ZNF678: variants seen among roughly 807,000 people sequenced by gnomAD.
The protein encoded by ZNF678 is hypothetical protein MGC42493.
ZNF678 carries 5 observed loss-of-function variants against 3.0 expected under a neutral mutation model. That is an observed-to-expected ratio of 1.69 (90% CI 0.88 to 3.56). The LOEUF (loss-of-function observed/expected upper bound fraction) is 3.56, where lower values mean the gene tolerates loss of function less well. ZNF678 is among the 30% of genes most tolerant of loss of function. The pLI is 0.00. For missense variants in ZNF678, 593 were observed against 605.0 expected, an observed-to-expected ratio of 0.98 and a Z score of 0.21; for synonymous variants, 218 against 199.6, an observed-to-expected ratio of 1.09 and a Z score of -0.78.
intron 1 of ZNF678, among the ~76,000 whole-genome samples, chr1:227,635,852 C>T (rs1374730334): frequency 6.6e-6 from 1 of 152,148 alleles, no homozygotes; most frequent in South Asian, 2.1e-4. Context: ...AGGAGTTATT[C>T]ATCTCCTTAA....
chr1:227,623,763 A>G (rs188789176), intron 1 of ZNF678, among the ~76,000 whole-genome samples: 12 of 152,270 alleles, frequency 7.9e-5, no homozygotes, highest in African/African-American at 2.9e-4. Flanking sequence ...ACCTTTTTCA[A>G]TCATACTTTT....
rs1656796893 is a variant in ZNF678 at position 227,570,047 on chromosome 1, G to A, written c.-164+6323G>A. ...CTGGAGTGGGTTTTACCTTTAGTGG[G>A]CTTATTACCAGGAGCACATGTGGTT... On this transcript the variant is annotated intron_variant, in intron 1 of 3. Transcript: ENST00000343776. Among the ~76,000 whole-genome samples the A allele has an allele frequency of 2.0e-5, 3 of 152,282 alleles. No homozygotes were observed. The South Asian group carries it at 6.2e-4, about 32-fold the overall frequency.
rs748474314 is a variant in ZNF678 at position 227,654,693 on chromosome 1, C to T, written c.443C>T (p.Thr148Ile). 5 of 1,612,900 alleles carry T rather than the reference C, an allele frequency of 3.1e-6. No individual in the cohort carries two copies. Among genetic ancestry groups the T allele is most frequent in the Admixed American group, 3.3e-5 (2 of 59,884 alleles). Residue 148 changes from threonine to isoleucine, a missense_variant, in exon 4 of 4, where the codon ACT (threonine) becomes ATT (isoleucine). Transcript: ENST00000343776. The part of the protein sequence containing the change: ...SNLTKHKRIH[T>I]GEKPYKCDEC... Reference sequence around the variant, plus strand: ...CTAACAAAACATAAAAGAATTCATACTGGAGAGAAACCCTACAAATGTGAC... The same window carrying T: ...CTAACAAAACATAAAAGAATTCATATTGGAGAGAAACCCTACAAATGTGAC...
chr1:227,611,569 A>G (rs73092653), intron 1 of ZNF678, among the ~76,000 whole-genome samples: 1,639 of 152,272 alleles, frequency 0.011, 34 homozygotes, highest in African/African-American at 0.038. Flanking sequence ...TCTTCTCAAG[A>G]AGAAGCTATA....
intron 5 of ZNF678, among the ~76,000 whole-genome samples, chr1:227,667,976 T>C (rs1479579080): frequency 1.3e-5 from 2 of 152,240 alleles, no homozygotes; most frequent in Non-Finnish European, 1.5e-5. Flanking sequence ...AAAATACAGA[T>C]TTATGGAACA....
intron 5 of ZNF678, among the ~76,000 whole-genome samples, chr1:227,671,296 A>C (rs1659598094): frequency 6.6e-6 from 1 of 151,886 alleles, no homozygotes; most frequent in African/African-American, 2.4e-5. Flanking sequence ...CCCATGCTAG[A>C]ATCAATTTTT....
intron 2 of ZNF678, among the ~76,000 whole-genome samples, chr1:227,648,375 ATGTC>A (rs745848721): frequency 1.3e-5 from 2 of 152,212 alleles, no homozygotes; most frequent in South Asian, 4.1e-4. Flanking sequence ...AAAATTATGT[ATGTC>A]CAACATAAAA....
intron 1 of ZNF678, among the ~76,000 whole-genome samples, chr1:227,633,886 C>T (rs1331212919): frequency 6.6e-6 from 1 of 152,198 alleles, no homozygotes; most frequent in Non-Finnish European, 1.5e-5. Context: ...GATACATGAG[C>T]TAGGGCAGCT....
intron 1 of ZNF678, among the ~76,000 whole-genome samples, chr1:227,578,103 C>G (rs1422317850): frequency 6.6e-6 from 1 of 152,116 alleles, no homozygotes; most frequent in Non-Finnish European, 1.5e-5. Flanking sequence ...GTTGAGAGGT[C>G]CACTTTTAGT....
chr1:227,599,069 G>A lies in ZNF678; in HGVS notation c.-164+35345G>A. ...TGGTCGATTCAAATAATCCTGTATT[G>A]TTGGCCCTGAAGACTGGATTGGACC... is the stretch of plus-strand genomic sequence containing the variant. On this transcript the variant is annotated intron_variant, in intron 1 of 3. Transcript: ENST00000343776. 2.5e-6 allele frequency: 4 copies of A among 1,596,974 alleles called. No homozygotes were observed. In the South Asian group the frequency reaches 4.4e-5, roughly 18 times the overall value.
At chr1:227,662,702 A>G (rs1475910556), downstream of ZNF678, among the ~76,000 whole-genome samples, 2 of 152,184 alleles carry the variant, frequency 1.3e-5, no homozygotes, top group Middle Eastern at 3.2e-3. Context: ...TTGGCAAAAA[A>G]TTAAGTCTTA....
At chr1:227,567,413 C>G (rs1013868748) in intron 1 of ZNF678, among the ~76,000 whole-genome samples, 2 of 152,126 alleles carry the variant, frequency 1.3e-5, no homozygotes, top group African/African-American at 4.8e-5. Context: ...CAATCTTGAG[C>G]CTGCAAAAGA....
chr1:227,576,074 T>C (rs1656980706), intron 1 of ZNF678, among the ~76,000 whole-genome samples: 1 of 152,224 alleles, frequency 6.6e-6, no homozygotes, highest in Non-Finnish European at 1.5e-5. Flanking sequence ...TGAACTAAAC[T>C]TGCATCCCGG....
At chr1:227,677,612 G>C (rs1659705840), downstream of ZNF678, among the ~76,000 whole-genome samples, 1 of 152,174 alleles carries the variant, frequency 6.6e-6, no homozygotes, top group African/African-American at 2.4e-5. Context: ...CAATTAATGT[G>C]ACCAAGACGA....
rs116981521 is a variant in ZNF678 at position 227,598,058 on chromosome 1, C to G, written c.-164+34334C>G. Among the ~76,000 whole-genome samples the G allele has an allele frequency of 4.6e-3, 698 of 152,306 alleles. 19 individuals carry two copies. The South Asian group carries it at 0.057, about 12-fold the overall frequency. On this transcript the variant is annotated intron_variant, in intron 1 of 3. Transcript: ENST00000343776. ...GTAATCCCTCCTCCAAAAATTTTAACTAGAGTCATCTGGTCATTTCTGACT... is the reference window on the plus strand; with the variant it reads ...GTAATCCCTCCTCCAAAAATTTTAAGTAGAGTCATCTGGTCATTTCTGACT...
chr1:227,655,628 C>A lies in ZNF678; in HGVS notation c.1378C>A (p.Pro460Thr). Residue 460 changes from proline to threonine, a missense_variant, in exon 4 of 4, where the codon CCC becomes ACC. Coordinates refer to ENST00000343776, the MANE Select transcript of ZNF678 (RefSeq NM_001367909.1). ...TAAGAGAATTCATACTGAAGAGAAA[C>A]CCTACAAATGTGAAGAATGTGGCAA... ...KHKRIHTEEK[P>T]YKCEECGKAF... The A allele has an allele frequency of 1.2e-6, 2 of 1,612,692 alleles. No individual in the cohort carries two copies. The highest frequency in any genetic ancestry group is 8.5e-7 in the Non-Finnish European group (1 of 1,179,294).
chr1:227,670,972 T>TA (rs199567337), intron 5 of ZNF678, among the ~76,000 whole-genome samples: 2,980 of 151,824 alleles, frequency 0.02, 55 homozygotes, highest in Non-Finnish European at 0.029. Context: ...CTTTTATTTT[T>TA]TTTTTTTTTA....
chr1:227,600,389 G>A (rs1657705378), intron 1 of ZNF678, among the ~76,000 whole-genome samples: 1 of 152,190 alleles, frequency 6.6e-6, no homozygotes, highest in Non-Finnish European at 1.5e-5. Context: ...TCACCACACT[G>A]TGTTCCACAA....
chr1:227,576,964 T>C (rs1657002322), intron 1 of ZNF678, among the ~76,000 whole-genome samples: 1 of 152,244 alleles, frequency 6.6e-6, no homozygotes, highest in East Asian at 1.9e-4. Flanking sequence ...AAGAACTTCC[T>C]GACTTCCACC....
Sources: gnomAD v4.1 joint callset for allele counts (sites outside exome capture counted in the v4.1 genomes callset) on GRCh38, gnomAD v4.1.1 for gene constraint, MANE v1.5 for transcripts, NCBI Gene and HGNC (gene_info 2026-07-23, HGNC 2026-07-21) for gene names.